PDE1A: variants seen among roughly 807,000 people sequenced by gnomAD.
PDE1A encodes the protein dual specificity calcium/calmodulin-dependent 3',5'-cyclic nucleotide phosphodiesterase 1A.
In PDE1A, 35 loss-of-function variants were observed where a neutral mutation model predicts 61.7. That is an observed-to-expected ratio of 0.57 (90% confidence interval 0.43 to 0.75). The LOEUF (loss-of-function observed/expected upper bound fraction) is 0.75, where lower values mean the gene tolerates loss of function less well. Ranked by LOEUF, PDE1A falls within the 30% of genes least tolerant of loss-of-function variation. PDE1A has a pLI of 0.00. For synonymous variants in PDE1A, 232 were observed against 213.2 expected, an observed-to-expected ratio of 1.09 and a Z score of -0.77; for missense variants, 597 against 630.6, an observed-to-expected ratio of 0.95 and a Z score of 0.57.
chr2:182,492,345 C>T (rs1559510425), intron 2 of PDE1A, among the ~76,000 whole-genome samples: 1 of 151,982 alleles, frequency 6.6e-6, no homozygotes, highest in Non-Finnish European at 1.5e-5. Flanking sequence ...TATTTTTATC[C>T]ATCTAAAAAA....
intron 2 of PDE1A, among the ~76,000 whole-genome samples, chr2:182,481,632 C>T (rs1687707570): frequency 6.6e-6 from 1 of 151,814 alleles, no homozygotes; most frequent in African/African-American, 2.4e-5. Flanking sequence ...AAGCACAGTA[C>T]AAAAATCCCA....
rs61217902 is a variant in PDE1A, at chr2:182,169,944, C to T, written c.1517-1654G>A. On this transcript the variant is annotated intron_variant, in intron 13 of 13. Transcript: ENST00000351439. ...CACGCACACACACACACACACTCTC[C>T]CTCTCTCTCTTTCTCTTTCATACAC... 2.8e-3 allele frequency among the ~76,000 whole-genome samples: 333 copies of T among 119,088 alleles called. 3 individuals are homozygous for T. Among genetic ancestry groups the T allele is most frequent in the African/African-American group, 8.6e-3 (307 of 35,902 alleles). 78.1% of individuals were successfully genotyped at this position (119,088 alleles called of 152,430 possible). A position where few individuals can be genotyped will look rare whatever the true frequency, so the allele number is the denominator to read the frequency against.
the PDE1A span, among the ~76,000 whole-genome samples, chr2:182,671,148 G>A: frequency 6.6e-6 from 1 of 151,578 alleles, no homozygotes; most frequent in Non-Finnish European, 1.5e-5. Context: ...CCCAGGTGAT[G>A]GTTATGCTGC....
At chr2:182,323,169 A>G (rs1279170857) in intron 1 of PDE1A, among the ~76,000 whole-genome samples, 4 of 152,164 alleles carry the variant, frequency 2.6e-5, no homozygotes, top group African/African-American at 9.6e-5. Flanking sequence ...CTTATAAACC[A>G]ATTAAAGCAA....
At position 182,482,123 on chromosome 2, in the gene PDE1A, G is replaced by A. The variant is rs531043733; in HGVS notation, c.101+40153C>T. On this transcript the variant is annotated intron_variant, in intron 2 of 14. Coordinates refer to the PDE1A transcript ENST00000410103. The stretch of plus-strand genomic sequence containing the variant: ...ACAGTCTGTATATTTTTAATTCCAT[G>A]GTAAATTTAGAGTCTGACAAAATTG... Among the ~76,000 whole-genome samples, 4 of 151,650 alleles carry A rather than the reference G, an allele frequency of 2.6e-5. No individual in the cohort carries two copies. In the East Asian group the frequency reaches 5.8e-4, roughly 22 times the overall value.
intron 1 of PDE1A, among the ~76,000 whole-genome samples, chr2:182,405,849 T>C (rs1702268911): frequency 6.6e-6 from 1 of 152,122 alleles, no homozygotes; most frequent in East Asian, 1.9e-4. Flanking sequence ...ATTATGTACA[T>C]ATATCATAAC....
chr2:182,378,644 C>T (rs1467869338), intron 1 of PDE1A, among the ~76,000 whole-genome samples: 1 of 152,154 alleles, frequency 6.6e-6, no homozygotes, highest in Non-Finnish European at 1.5e-5. Flanking sequence ...GACCCGTTTG[C>T]ATGTTACTGT....
exon 8 of PDE1A, chr2:182,205,964 A>G: frequency 1.2e-6 from 2 of 1,610,410 alleles, no homozygotes; most frequent in Admixed American, 1.7e-5. Context: ...GGATAAATTT[A>G]TCAAGATATT....
At chr2:182,292,274 T>C (rs1694588257) in intron 1 of PDE1A, among the ~76,000 whole-genome samples, 2 of 152,090 alleles carry the variant, frequency 1.3e-5, no homozygotes, top group South Asian at 4.1e-4. Context: ...TGGTTATTTA[T>C]GTTGACCTAT....
the PDE1A span, among the ~76,000 whole-genome samples, chr2:182,660,398 C>T: frequency 1.3e-5 from 2 of 152,116 alleles, no homozygotes; most frequent in Non-Finnish European, 2.9e-5. Context: ...ATCCCATTGC[C>T]CCTCATCCTG....
intron 1 of PDE1A, among the ~76,000 whole-genome samples, chr2:182,308,158 C>T (rs948356730): frequency 6.6e-6 from 1 of 152,032 alleles, no homozygotes; most frequent in Non-Finnish European, 1.5e-5. Context: ...ACAATTATAG[C>T]CTAAATCAGA....
chr2:182,669,727 T>C, the PDE1A span, among the ~76,000 whole-genome samples: 1 of 152,262 alleles, frequency 6.6e-6, no homozygotes, highest in South Asian at 2.1e-4. Context: ...CCCACACTTC[T>C]TAACTCTCTC....
At chr2:182,283,668 G>A (rs1156529742) in intron 1 of PDE1A, among the ~76,000 whole-genome samples, 1 of 152,004 alleles carries the variant, frequency 6.6e-6, no homozygotes, top group Non-Finnish European at 1.5e-5. Flanking sequence ...AACAAAAGAT[G>A]TATTCACCCA....
chr2:182,563,612 G>T, the PDE1A span, among the ~76,000 whole-genome samples: 2 of 152,102 alleles, frequency 1.3e-5, no homozygotes, highest in Non-Finnish European at 2.9e-5. Context: ...GGGTATCCTT[G>T]TTAACTTTCT....
chr2:182,280,430 GCA>G (rs1693724670), intron 1 of PDE1A, among the ~76,000 whole-genome samples: 1 of 151,818 alleles, frequency 6.6e-6, no homozygotes, highest in Non-Finnish European at 1.5e-5. Flanking sequence ...CTTCTGTTTT[GCA>G]CATTCTCCAG....
chr2:182,203,548 T>C (rs1011332916), intron 8 of PDE1A, among the ~76,000 whole-genome samples: 1 of 152,160 alleles, frequency 6.6e-6, no homozygotes, highest in East Asian at 1.9e-4. Flanking sequence ...AATAAGAACA[T>C]TTATGTTTGC....
chr2:182,310,085 A>G (rs1695865424), intron 1 of PDE1A, among the ~76,000 whole-genome samples: 1 of 152,166 alleles, frequency 6.6e-6, no homozygotes, highest in Non-Finnish European at 1.5e-5. Flanking sequence ...ATGAGGCAAA[A>G]ATGAAATCTG....
the PDE1A span, among the ~76,000 whole-genome samples, chr2:182,703,788 T>C: frequency 4.6e-5 from 7 of 152,192 alleles, no homozygotes; most frequent in South Asian, 1.5e-3. Context: ...ATAAAATACA[T>C]AAAGTACCTA....
At chr2:182,225,016 G>T (rs1479666904) in intron 6 of PDE1A, among the ~76,000 whole-genome samples, 4 of 151,876 alleles carry the variant, frequency 2.6e-5, no homozygotes, top group Non-Finnish European at 4.4e-5. Context: ...ACAACAGAAA[G>T]AGATCATGTA....
Sources: gnomAD v4.1 joint callset for allele counts (sites outside exome capture counted in the v4.1 genomes callset) on GRCh38, gnomAD v4.1.1 for gene constraint, MANE v1.5 for transcripts, NCBI Gene and HGNC (gene_info 2026-07-23, HGNC 2026-07-21) for gene names.